MCEE: variants seen among roughly 807,000 people sequenced by gnomAD.
The protein encoded by MCEE is methylmalonyl-CoA epimerase, mitochondrial.
Under a neutral mutation model 12.9 loss-of-function variants are expected in MCEE, and 6 were observed. The observed-to-expected ratio is 0.47, with a 90% CI of 0.26 to 0.92. The LOEUF (loss-of-function observed/expected upper bound fraction) is 0.92, where lower values mean the gene tolerates loss of function less well. Ranked by LOEUF, MCEE falls within the 40% of genes least tolerant of loss-of-function variation. The pLI is 0.16. For synonymous variants in MCEE, 78 were observed against 77.9 expected (o/e 1.00, Z -0.01); for missense variants, 214 against 212.1 (o/e 1.01, Z -0.05).
chr2:71,125,188 A>AATATATATATAT (rs67615436), intron 1 of MCEE, among the ~76,000 whole-genome samples: 60 of 65,622 alleles, frequency 9.1e-4, no homozygotes, highest in Non-Finnish European at 1.5e-3. Context: ...TATATATATA[A>AATATATATATAT]ATATATATAT....
chr2:71,119,197 G>A (rs1673052592), intron 2 of MCEE, among the ~76,000 whole-genome samples: 1 of 150,278 alleles, frequency 6.7e-6, no homozygotes, highest in Admixed American at 6.6e-5. Context: ...CCTGAGAAAT[G>A]CATCACTAGG....
Position 71,130,065 on chromosome 2 carries a change from C to A in MCEE, c.40+115G>T, listed in dbSNP as rs11126319. The A allele has an allele frequency of 0.012, 13,197 of 1,087,140 alleles. 647 individuals are homozygous for A. In the African/African-American group the frequency reaches 0.13, roughly 11 times the overall value. 67.3% of individuals were successfully genotyped at this position (1,087,140 alleles called of 1,614,324 possible). On this transcript the variant is annotated intron_variant, in intron 1 of 2. Transcript: ENST00000244217. ...ACAGCAGCTGCTGTGGAACGCGCCC[C>A]CGGGGGAGGACATTAGATCAAGGTG...
intron 2 of MCEE, among the ~76,000 whole-genome samples, chr2:71,122,875 C>T (rs1365563042): frequency 6.6e-6 from 1 of 152,236 alleles, no homozygotes; most frequent in Non-Finnish European, 1.5e-5. Flanking sequence ...CTTTTGTTCA[C>T]CTAGGGAATT....
intron 2 of MCEE, among the ~76,000 whole-genome samples, chr2:71,119,442 A>G (rs1157630741): frequency 5.3e-5 from 8 of 150,540 alleles, no homozygotes; most frequent in Admixed American, 2.0e-4. Flanking sequence ...TGACTGAAAC[A>G]TTGTTATGCG....
At chr2:71,120,031 T>C (rs939895701) in intron 2 of MCEE, among the ~76,000 whole-genome samples, 1 of 149,580 alleles carries the variant, frequency 6.7e-6, no homozygotes, top group Admixed American at 6.6e-5. Context: ...CCAGCATGGG[T>C]GACACAGTGA....
intron 1 of MCEE, 139 bp from the exon 2 acceptor site, chr2:71,124,682 C>T: frequency 4.2e-6 from 3 of 712,314 alleles, no homozygotes; most frequent in South Asian, 1.6e-5. Context: ...GAAATGAAAC[C>T]AGGAGATAAA....
chr2:71,126,378 C>T (rs560753607), intron 1 of MCEE, among the ~76,000 whole-genome samples: 2 of 152,056 alleles, frequency 1.3e-5, no homozygotes, highest in African/African-American at 4.8e-5. Context: ...CAGGCGCATG[C>T]CACCGCACCC....
At chr2:71,114,093 A>G (rs1047255575) in intron 2 of MCEE, among the ~76,000 whole-genome samples, 1 of 152,120 alleles carries the variant, frequency 6.6e-6, no homozygotes, top group Non-Finnish European at 1.5e-5. Context: ...GTTAGAAAAC[A>G]AAACAAAACA....
intron 2 of MCEE, among the ~76,000 whole-genome samples, chr2:71,113,789 T>C (rs934208621): frequency 6.6e-6 from 1 of 152,118 alleles, no homozygotes; most frequent in African/African-American, 2.4e-5. Context: ...AAGAGGATAG[T>C]ATGGAGGAGA....
At chr2:71,116,462 T>C (rs189720285) in intron 2 of MCEE, among the ~76,000 whole-genome samples, 1 of 150,142 alleles carries the variant, frequency 6.7e-6, no homozygotes. Flanking sequence ...TGAGAGTTTA[T>C]CTTGATTCTG....
At chr2:71,129,948 C>T in intron 1 of MCEE, 1 of 617,094 alleles carries the variant, frequency 1.6e-6, no homozygotes, top group Non-Finnish European at 2.9e-6. Flanking sequence ...GAGCCCAAGG[C>T]GCACAGCTCT....
At chr2:71,114,073 C>G (rs1476413330) in intron 2 of MCEE, among the ~76,000 whole-genome samples, 1 of 151,072 alleles carries the variant, frequency 6.6e-6, no homozygotes, top group Non-Finnish European at 1.5e-5. Flanking sequence ...AAAGGAGATC[C>G]TAGAAAAAGG....
intron 2 of MCEE, among the ~76,000 whole-genome samples, chr2:71,116,141 T>C (rs34179651): frequency 0.3 from 44,215 of 149,162 alleles, 9,018 homozygotes; most frequent in East Asian, 0.67. Context: ...AGTGCAGTGG[T>C]GCAATCTCAG....
At chr2:71,120,340 C>T (rs1290511673) in intron 2 of MCEE, among the ~76,000 whole-genome samples, 2 of 149,998 alleles carry the variant, frequency 1.3e-5, no homozygotes, top group South Asian at 4.2e-4. Context: ...AAGGTGACCC[C>T]CCTCTTGCCA....
intron 2 of MCEE, 137 bp downstream of exon 2, chr2:71,124,069 G>A (rs1449063930): frequency 7.5e-6 from 5 of 663,174 alleles, no homozygotes; most frequent in Non-Finnish European, 1.3e-5. Flanking sequence ...CACCTTTGAG[G>A]AGGATGAATA....
chr2:71,125,211 A>ATATTTTTT, intron 1 of MCEE, among the ~76,000 whole-genome samples: 15 of 48,600 alleles, frequency 3.1e-4, no homozygotes, highest in African/African-American at 4.2e-4. Flanking sequence ...ATATATATAT[A>ATATTTTTT]TTTTTTTTTT....
At chr2:71,113,131 G>C (rs1186762051) in intron 2 of MCEE, among the ~76,000 whole-genome samples, 1 of 152,214 alleles carries the variant, frequency 6.6e-6, no homozygotes, top group African/African-American at 2.4e-5. Flanking sequence ...ATGGCTGATA[G>C]TGGGAGCTAA....
chr2:71,111,780 C>A (rs1672889619), intron 2 of MCEE, among the ~76,000 whole-genome samples: 1 of 152,168 alleles, frequency 6.6e-6, no homozygotes, highest in African/African-American at 2.4e-5. Context: ...CACGTGGATT[C>A]CCCCTTCCTG....
chr2:71,124,774 T>C (rs1471830175), intron 1 of MCEE, among the ~76,000 whole-genome samples: 1 of 152,140 alleles, frequency 6.6e-6, no homozygotes, highest in East Asian at 1.9e-4. Context: ...TGAGCTGCAG[T>C]TAGATTTAAA....
Sources: allele counts gnomAD v4.1 joint callset (sites outside exome capture counted in the v4.1 genomes callset), GRCh38; gene constraint gnomAD v4.1.1; transcripts MANE v1.5; gene names NCBI Gene and HGNC (gene_info 2026-07-23, HGNC 2026-07-21).